Variants in NXPE1 observed in about 807,000 individuals in gnomAD.
The protein encoded by NXPE1 is neurexophilin and PC-esterase domain family member 1.
NXPE1 carries 31 observed loss-of-function variants against 33.3 expected under a neutral mutation model. That is an observed-to-expected ratio of 0.93 (90% CI 0.70 to 1.26). NXPE1 has a LOEUF of 1.26. Ranked by LOEUF, NXPE1 falls within the 50% of genes most tolerant of loss-of-function variation. The probability of loss-of-function intolerance (pLI) is 0.00; values close to 1 mark genes in which losing one functional copy is unlikely to be tolerated. For synonymous variants in NXPE1, 229 were observed against 231.4 expected (o/e 0.99, Z 0.09); for missense variants, 661 against 655.6 (o/e 1.01, Z -0.09).
exon 6 of NXPE1, chr11:114,530,211 G>A: frequency 6.2e-7 from 1 of 1,612,448 alleles, no homozygotes; most frequent in Non-Finnish European, 8.5e-7. Context: ...TGTAAGATAA[G>A]ATACCTCTCT....
In NXPE1 at chr11:114,524,521, T is replaced by C. The variant is rs556919415; in HGVS notation, c.896-1430A>G. 1.2e-4 allele frequency among the ~76,000 whole-genome samples: 18 copies of C among 152,316 alleles called. No homozygotes were observed. In the East Asian group the frequency reaches 1.7e-3, roughly 15 times the overall value. ...CTTAAGTCCTGGTGATTTGGCTTAC[T>C]AAAGGGAGTTTGTATAATCCTATAA... On this transcript the variant is annotated intron_variant, in intron 7 of 8. Coordinates refer to ENST00000534921, the Ensembl canonical transcript of NXPE1.
At chr11:114,542,509 A>G (rs1391664397) in intron 5 of NXPE1, among the ~76,000 whole-genome samples, 1 of 152,196 alleles carries the variant, frequency 6.6e-6, no homozygotes, top group Non-Finnish European at 1.5e-5. Flanking sequence ...AGAGAATAGT[A>G]TGCAATGGTT....
At chr11:114,543,252 A>G (rs1948164294) in intron 5 of NXPE1, among the ~76,000 whole-genome samples, 1 of 152,134 alleles carries the variant, frequency 6.6e-6, no homozygotes, top group African/African-American at 2.4e-5. Context: ...GCTACTCAGG[A>G]GGCTGAGGCA....
chr11:114,546,971 T>C (rs1040696433), intron 5 of NXPE1, among the ~76,000 whole-genome samples: 7 of 152,144 alleles, frequency 4.6e-5, no homozygotes, highest in Non-Finnish European at 1.0e-4. Flanking sequence ...AATGAATGAT[T>C]GAATAAACAA....
chr11:114,531,389 G>A (rs1364373615), intron 5 of NXPE1, among the ~76,000 whole-genome samples: 4 of 152,006 alleles, frequency 2.6e-5, no homozygotes, highest in Admixed American at 6.6e-5. Context: ...TCAAGCCACC[G>A]TCATTTATCT....
At chr11:114,522,041 C>T in exon 9 of NXPE1, 1 of 1,613,790 alleles carries the variant, frequency 6.2e-7, no homozygotes, top group South Asian at 1.1e-5. Flanking sequence ...AGTGTCAGTG[C>T]CATATGCAAT....
chr11:114,535,317 C>T (rs539765364), intron 5 of NXPE1, among the ~76,000 whole-genome samples: 1 of 152,168 alleles, frequency 6.6e-6, no homozygotes, highest in South Asian at 2.1e-4. Context: ...GTACCAGCCA[C>T]TGCAAAAACA....
intron 1 of NXPE1, among the ~76,000 whole-genome samples, chr11:114,556,075 T>C (rs1242936372): frequency 6.6e-6 from 1 of 152,180 alleles, no homozygotes; most frequent in Non-Finnish European, 1.5e-5. Flanking sequence ...TTTTGACAAA[T>C]CTACAAAAAG....
chr11:114,554,467 T>G, intron 1 of NXPE1: 1 of 715,254 alleles, frequency 1.4e-6, no homozygotes, highest in Non-Finnish European at 1.7e-6. Context: ...CTATGACCTC[T>G]TTTCCAAATA....
intron 1 of NXPE1, among the ~76,000 whole-genome samples, chr11:114,554,575 C>T (rs1341242365): frequency 6.6e-6 from 1 of 152,110 alleles, no homozygotes; most frequent in Non-Finnish European, 1.5e-5. Flanking sequence ...AGTCAAATAG[C>T]ATTTTTTAAT....
chr11:114,530,058 T>C (rs1015670572), intron 6 of NXPE1, 117 bp downstream of exon 6: 2 of 1,088,892 alleles, frequency 1.8e-6, no homozygotes, highest in African/African-American at 3.2e-5. Context: ...ACACCACATG[T>C]CTTACCTTGA....
chr11:114,554,205 T>C (rs1488380115), intron 1 of NXPE1: 1 of 982,804 alleles, frequency 1.0e-6, no homozygotes, highest in East Asian at 1.1e-4. Flanking sequence ...AACTTGTAGC[T>C]GGACATGTGT....
At chr11:114,557,950 AAT>A (rs946771455) in intron 1 of NXPE1, among the ~76,000 whole-genome samples, 132 of 151,976 alleles carry the variant, frequency 8.7e-4, no homozygotes, top group African/African-American at 3.0e-3. Context: ...CAGCACTTTG[AAT>A]ATGTTACCTC....
chr11:114,524,479 G>GTGCACTTGGAATAGCTCT (rs1947308668), intron 7 of NXPE1, among the ~76,000 whole-genome samples: 23 of 152,172 alleles, frequency 1.5e-4, no homozygotes, highest in Admixed American at 1.5e-3. Flanking sequence ...GAATTGGAAA[G>GTGCACTTGGAATAGCTCT]TGCACTTGGA....
chr11:114,538,831 T>C (rs1252252786), intron 5 of NXPE1, among the ~76,000 whole-genome samples: 2 of 152,202 alleles, frequency 1.3e-5, no homozygotes, highest in African/African-American at 4.8e-5. Context: ...TTTACATTGT[T>C]GGTGGGACTG....
intron 5 of NXPE1, among the ~76,000 whole-genome samples, chr11:114,549,118 G>C (rs1948379040): frequency 1.3e-5 from 2 of 151,892 alleles, no homozygotes; most frequent in South Asian, 4.2e-4. Flanking sequence ...ATAGAGAATA[G>C]TGAAAAAAGT....
At chr11:114,548,009 G>A (rs1948339145) in intron 5 of NXPE1, among the ~76,000 whole-genome samples, 1 of 151,640 alleles carries the variant, frequency 6.6e-6, no homozygotes, top group East Asian at 1.9e-4. Flanking sequence ...ATCAGAGATT[G>A]AACAATTAAA....
At chr11:114,525,578 C>G (rs988562852) in intron 7 of NXPE1, among the ~76,000 whole-genome samples, 1 of 152,102 alleles carries the variant, frequency 6.6e-6, no homozygotes, top group Admixed American at 6.6e-5. Context: ...TCCCCCCTTA[C>G]TATTCTTAAA....
At chr11:114,534,012 T>C (rs1049522826) in intron 5 of NXPE1, among the ~76,000 whole-genome samples, 2 of 152,126 alleles carry the variant, frequency 1.3e-5, no homozygotes, top group African/African-American at 4.8e-5. Flanking sequence ...GACCCCCAAG[T>C]AGCCTAACTG....
Sources: gnomAD v4.1 joint callset for allele counts (sites outside exome capture counted in the v4.1 genomes callset) on GRCh38, gnomAD v4.1.1 for gene constraint, MANE v1.5 for transcripts, NCBI Gene and HGNC (gene_info 2026-07-23, HGNC 2026-07-21) for gene names.